RBMS1: variants seen among roughly 807,000 people sequenced by gnomAD.
RBMS1 encodes RNA-binding motif, single-stranded-interacting protein 1.
RBMS1 carries 17 observed loss-of-function variants against 62.3 expected under a neutral mutation model. The ratio of observed to expected loss-of-function variants is 0.27; its 90% confidence interval spans 0.19 to 0.41. The LOEUF (loss-of-function observed/expected upper bound fraction) is 0.41. Among genes scored for constraint, RBMS1 ranks in the 10% least tolerant of loss-of-function variants. The pLI, the probability that RBMS1 is intolerant of heterozygous loss-of-function variation, is 1.00. For synonymous variants in RBMS1, 172 were observed against 170.0 expected, an observed-to-expected ratio of 1.01 and a Z score of -0.09; for missense variants, 334 against 504.5, an observed-to-expected ratio of 0.66 and a Z score of 3.24.
intron 9 of RBMS1, 106 bp from the exon 10 acceptor site, chr2:160,281,470 A>C (rs1231633532): frequency 9.8e-6 from 9 of 921,596 alleles, no homozygotes; most frequent in Non-Finnish European, 1.5e-5. Context: ...AAAGAAAACA[A>C]GGAAACAATA....
At chr2:160,472,942 T>C (rs1042298682) in intron 1 of RBMS1, among the ~76,000 whole-genome samples, 1 of 152,230 alleles carries the variant, frequency 6.6e-6, no homozygotes, top group African/African-American at 2.4e-5. Context: ...CACATAATGG[T>C]GCTCTTTTAG....
intron 1 of RBMS1, among the ~76,000 whole-genome samples, chr2:160,397,003 C>T (rs878939656): frequency 6.6e-6 from 1 of 152,186 alleles, no homozygotes; most frequent in Admixed American, 6.5e-5. Flanking sequence ...TTTCACGTTT[C>T]CTTAGCCTTT....
At chr2:160,294,474 G>C (rs1362941765) in intron 6 of RBMS1, among the ~76,000 whole-genome samples, 1 of 152,178 alleles carries the variant, frequency 6.6e-6, no homozygotes, top group Non-Finnish European at 1.5e-5. Context: ...GGTGGCAGGA[G>C]GGCAGGCAGT....
In RBMS1 at chr2:160,493,650, A is replaced by C; in HGVS notation, c.-287T>G. 4.1e-6 allele frequency: 2 copies of C among 483,254 alleles called. No individual in the cohort carries two copies. The highest frequency in any genetic ancestry group is 7.5e-6 in the Non-Finnish European group (2 of 266,830). The allele number at this position is 483,254 out of a possible 1,614,324, so 29.9% of individuals were successfully genotyped here. A position where few individuals can be genotyped will look rare whatever the true frequency, so the allele number is the denominator to read the frequency against. On this transcript the variant is annotated 5_prime_UTR_variant, in exon 1 of 14. Coordinates refer to ENST00000348849, the MANE Select transcript of RBMS1 (RefSeq NM_016836.4). The stretch of plus-strand genomic sequence containing the variant: ...AGGGCACCCCGGACAGGGCGCTCCC[A>C]AGGAGTTTCCTCCCGGAGCCCGACT...
chr2:160,381,771 A>G (rs561571169), intron 1 of RBMS1, among the ~76,000 whole-genome samples: 3 of 152,346 alleles, frequency 2.0e-5, no homozygotes, highest in African/African-American at 7.2e-5. Flanking sequence ...CTTCCAATAA[A>G]ACATAACCAA....
chr2:160,412,734 C>A (rs1362101866), intron 1 of RBMS1, among the ~76,000 whole-genome samples: 5 of 152,158 alleles, frequency 3.3e-5, no homozygotes, highest in Admixed American at 2.0e-4. Context: ...GGAAGCTCAA[C>A]TGTATAAATG....
intron 1 of RBMS1, among the ~76,000 whole-genome samples, chr2:160,409,280 TA>T (rs34622117): frequency 0.018 from 2,524 of 141,568 alleles, 51 homozygotes; most frequent in African/African-American, 0.05. Context: ...TTCTTTTCAT[TA>T]AAAAAAAAAA....
chr2:160,462,316 C>T (rs1684500274), intron 1 of RBMS1, among the ~76,000 whole-genome samples: 1 of 152,334 alleles, frequency 6.6e-6, no homozygotes, highest in South Asian at 2.1e-4. Context: ...TCTGCTCTGT[C>T]TTATGCCTTT....
chr2:160,291,455 C>T (rs1019152035), intron 6 of RBMS1, among the ~76,000 whole-genome samples: 1 of 152,202 alleles, frequency 6.6e-6, no homozygotes, highest in Non-Finnish European at 1.5e-5. Context: ...GCTTTTAAAA[C>T]ATTTCAATAA....
chr2:160,487,766 C>G (rs1289333047), intron 1 of RBMS1, among the ~76,000 whole-genome samples: 1 of 152,206 alleles, frequency 6.6e-6, no homozygotes, highest in African/African-American at 2.4e-5. Flanking sequence ...TCTCAATCTT[C>G]TAAAATGCAT....
Position 160,493,534 on chromosome 2 carries a change from T to G in RBMS1, c.-171A>C. On this transcript the variant is annotated 5_prime_UTR_variant, in exon 1 of 14. Transcript: ENST00000348849. Reference sequence around the variant, plus strand: ...CCGGGACCAGACGTCCTCCTCCTCCTCCTCCTCTTCCTCCTCCTCCTCCTC... The same window carrying G: ...CCGGGACCAGACGTCCTCCTCCTCCGCCTCCTCTTCCTCCTCCTCCTCCTC... 4.8e-6 allele frequency: 3 copies of G among 620,178 alleles called. No homozygotes were observed. In the East Asian group the frequency reaches 8.3e-5, roughly 17 times the overall value. 38.4% of individuals were successfully genotyped at this position (620,178 alleles called of 1,614,324 possible).
intron 2 of RBMS1, among the ~76,000 whole-genome samples, chr2:160,352,266 C>T (rs537136202): frequency 1.4e-4 from 22 of 152,172 alleles, no homozygotes; most frequent in Non-Finnish European, 1.6e-4. Flanking sequence ...GTCAAGGGAT[C>T]ACCTGGGGCC....
chr2:160,464,505 G>A (rs1438057645), intron 1 of RBMS1, among the ~76,000 whole-genome samples: 1 of 152,066 alleles, frequency 6.6e-6, no homozygotes, highest in East Asian at 1.9e-4. Flanking sequence ...ATGGTGAGAG[G>A]TGCCTCTGAG....
intron 1 of RBMS1, among the ~76,000 whole-genome samples, chr2:160,481,358 T>TAAAAAA (rs373909477): frequency 7.9e-6 from 1 of 127,078 alleles, no homozygotes; most frequent in Non-Finnish European, 1.7e-5. Flanking sequence ...GTAGGAAATG[T>TAAAAAA]AAAAAAAAAA....
At chr2:160,466,203 AT>A (rs1226938765) in intron 1 of RBMS1, among the ~76,000 whole-genome samples, 1 of 152,172 alleles carries the variant, frequency 6.6e-6, no homozygotes, top group Non-Finnish European at 1.5e-5. Context: ...GTACTGATAT[AT>A]TCTAGAGATT....
rs1414684573 is a variant in RBMS1 at position 160,278,604 on chromosome 2, T to C, written c.1006A>G (p.Met336Val). 5.6e-6 allele frequency: 9 copies of C among 1,613,634 alleles called. No homozygotes were observed. Among genetic ancestry groups the C allele is most frequent in the Admixed American group, 1.7e-5 (1 of 59,910 alleles). ...ATCTGCTGGGCCAGAGGGCTGATCA[T>C]TGATGCGGGCTGTAGTGACATGGTG... ...EHTMSLQPAS[M>V]ISPLAQQMSH... Residue 336 changes from methionine to valine, a missense_variant, in exon 11 of 14, where the codon ATG becomes GTG. By Grantham distance (21) the Met-to-Val change is conservative. Coordinates refer to ENST00000348849, the MANE Select transcript of RBMS1 (RefSeq NM_016836.4).
At chr2:160,318,511 A>T (rs1308122279) in intron 2 of RBMS1, among the ~76,000 whole-genome samples, 1 of 152,238 alleles carries the variant, frequency 6.6e-6, no homozygotes, top group Non-Finnish European at 1.5e-5. Context: ...GGACAGAAAC[A>T]TGGGATGTGG....
At chr2:160,491,930 G>A (rs1685849599) in intron 1 of RBMS1, among the ~76,000 whole-genome samples, 1 of 152,198 alleles carries the variant, frequency 6.6e-6, no homozygotes, top group African/African-American at 2.4e-5. Flanking sequence ...GTGGGAATTG[G>A]GGGAAGTGAA....
chr2:160,439,138 G>A (rs865779987), intron 1 of RBMS1, among the ~76,000 whole-genome samples: 6 of 150,470 alleles, frequency 4.0e-5, no homozygotes, highest in Non-Finnish European at 5.9e-5. Flanking sequence ...CTGGCCGGGC[G>A]GGGGGCTGAT....
Sources: gnomAD v4.1 joint callset for allele counts (sites outside exome capture counted in the v4.1 genomes callset) on GRCh38, gnomAD v4.1.1 for gene constraint, MANE v1.5 for transcripts, NCBI Gene and HGNC (gene_info 2026-07-23, HGNC 2026-07-21) for gene names.